The following SLC25A43 variants were observed in gnomAD, a reference collection of about 807,000 sequenced individuals.
The protein encoded by SLC25A43 is solute carrier family 25, member 43.
In SLC25A43, 10 loss-of-function variants were observed where a neutral mutation model predicts 22.8. That is an observed-to-expected ratio of 0.44 (90% CI 0.27 to 0.74). The LOEUF (loss-of-function observed/expected upper bound fraction) is 0.74, where lower values mean the gene tolerates loss of function less well. Ranked by LOEUF, SLC25A43 falls within the 30% of genes least tolerant of loss-of-function variation. The pLI is 0.17. For synonymous variants in SLC25A43, 106 were observed against 121.6 expected, an observed-to-expected ratio of 0.87 and a Z score of 0.84; for missense variants, 233 against 279.1, an observed-to-expected ratio of 0.83 and a Z score of 1.18.
chrX:119,399,801 A>T, intron 1 of SLC25A43, 123 bp downstream of exon 1: 1 of 793,762 alleles, frequency 1.3e-6, no homozygotes, highest in Non-Finnish European at 1.6e-6. Context: ...CCCCTTGTCG[A>T]TCACCTGGGG....
intron 3 of SLC25A43, among the ~76,000 whole-genome samples, chrX:119,427,837 A>T (rs1027218827): frequency 8.1e-5 from 9 of 111,219 alleles, no homozygotes; most frequent in African/African-American, 2.6e-4. Context: ...TTCCCTATGA[A>T]TTTTTTTTCC....
intron 1 of SLC25A43, among the ~76,000 whole-genome samples, chrX:119,402,224 G>A (rs1326972980): frequency 8.9e-6 from 1 of 111,774 alleles, no homozygotes; most frequent in African/African-American, 3.3e-5. Flanking sequence ...CAGGGAATGG[G>A]GTAGTTAAGT....
At chrX:119,449,815 A>G (rs2052693493) in intron 3 of SLC25A43, among the ~76,000 whole-genome samples, 1 of 112,194 alleles carries the variant, frequency 8.9e-6, no homozygotes, top group Non-Finnish European at 1.9e-5. Context: ...TGCTACAGTA[A>G]TGCACACATG....
At chrX:119,417,771 T>TA (rs199624214) in intron 3 of SLC25A43, among the ~76,000 whole-genome samples, 521 of 93,438 alleles carry the variant, frequency 5.6e-3, no homozygotes, top group Admixed American at 0.013. Flanking sequence ...ATGATGGTTG[T>TA]AAAAAAAAAA....
chrX:119,452,849 T>C lies in SLC25A43; in HGVS notation c.826-16T>C. ...TTTTAAGAACTTAACTTGATTTTCA[T>C]TTTTGGTTTTAACAGATAGTTCCAT... On this transcript the variant is annotated splice_polypyrimidine_tract_variant and intron_variant, in intron 4 of 4. Coordinates refer to ENST00000217909, the MANE Select transcript of SLC25A43 (RefSeq NM_145305.3). The C allele has an allele frequency of 1.7e-6, 2 of 1,183,046 alleles. No individual in the cohort carries two copies. The highest frequency in any genetic ancestry group is 2.3e-6 in the Non-Finnish European group (2 of 874,170).
intron 3 of SLC25A43, among the ~76,000 whole-genome samples, chrX:119,418,257 G>A (rs749399652): frequency 8.9e-6 from 1 of 111,820 alleles, no homozygotes; most frequent in South Asian, 3.8e-4. Flanking sequence ...AGAAGAGAGG[G>A]CTTTAATAAC....
chrX:119,409,671 C>T lies in SLC25A43; in HGVS notation c.518-519C>T, dbSNP rs140049257. On this transcript the variant is annotated intron_variant, in intron 2 of 4. Transcript: ENST00000217909. ...TCTCTTGTCACCCATGCTGGGGTGC[C>T]GTGGTGCGATCTCAGCTCACTGCAA... Among the ~76,000 whole-genome samples the T allele has an allele frequency of 5.8e-3, 629 of 109,183 alleles. 6 individuals carry two copies. Among genetic ancestry groups the T allele is most frequent in the African/African-American group, 0.02 (605 of 29,932 alleles). The allele number at this position is 109,183 out of a possible 115,157, so 94.8% of individuals were successfully genotyped here.
chrX:119,428,707 C>T (rs776509405), intron 3 of SLC25A43, among the ~76,000 whole-genome samples: 75 of 112,410 alleles, frequency 6.7e-4, no homozygotes, highest in African/African-American at 2.3e-3. Flanking sequence ...ACCCCTGGTC[C>T]GTGGCCTGTT....
chrX:119,424,246 A>T lies in SLC25A43; in HGVS notation c.690+13884A>T, dbSNP rs191794000. ...AAAAAAAGAAAGAAATTATAATAAT[A>T]TAATAATAACTACCACTTATTGGTC... is the stretch of plus-strand genomic sequence containing the variant. On this transcript the variant is annotated intron_variant, in intron 3 of 4. Transcript: ENST00000217909. 7.2e-4 allele frequency among the ~76,000 whole-genome samples: 80 copies of T among 110,878 alleles called. 1 individual carries two copies. Among genetic ancestry groups the T allele is most frequent in the Admixed American group, 2.9e-3 (30 of 10,377 alleles).
In SLC25A43 at chrX:119,399,370, G is replaced by A. The variant is rs1603292764; in HGVS notation, c.-34G>A. On this transcript the variant is annotated 5_prime_UTR_variant, in exon 1 of 5. Coordinates refer to ENST00000217909, the MANE Select transcript of SLC25A43 (RefSeq NM_145305.3). ...CGTGGCCGGAGAGCCCCAGGCCCGA[G>A]CCACGCGGTCTTCCGGGCCCGGGTC... The A allele has an allele frequency of 1.0e-6, 1 of 957,631 alleles. No homozygotes were observed. 78.9% of individuals were successfully genotyped at this position (957,631 alleles called of 1,213,427 possible).
chrX:119,400,197 TCTC>T (rs1405814785), intron 1 of SLC25A43, among the ~76,000 whole-genome samples: 1 of 109,817 alleles, frequency 9.1e-6, no homozygotes, highest in Non-Finnish European at 1.9e-5. Flanking sequence ...TGCCCACACA[TCTC>T]CCCAACTTAA....
At chrX:119,420,588 A>C (rs1178568981) in intron 3 of SLC25A43, among the ~76,000 whole-genome samples, 2 of 111,708 alleles carry the variant, frequency 1.8e-5, no homozygotes, top group Non-Finnish European at 3.8e-5. Context: ...GATTACAGGC[A>C]TGAGCCACTG....
chrX:119,419,928 A>C (rs956131652), intron 3 of SLC25A43, among the ~76,000 whole-genome samples: 3 of 111,834 alleles, frequency 2.7e-5, no homozygotes, highest in Non-Finnish European at 5.6e-5. Flanking sequence ...TTATCAGCTC[A>C]TACCTAGGCT....
intron 3 of SLC25A43, among the ~76,000 whole-genome samples, chrX:119,422,121 C>G (rs12860815): frequency 0.099 from 10,934 of 110,801 alleles, 702 homozygotes; most frequent in African/African-American, 0.23. Flanking sequence ...CACCATGTTG[C>G]CCAGGCTGGT....
intron 3 of SLC25A43, among the ~76,000 whole-genome samples, chrX:119,414,725 A>G (rs1177144111): frequency 9.4e-6 from 1 of 106,836 alleles, no homozygotes; most frequent in Non-Finnish European, 1.9e-5. Flanking sequence ...TTATTTAAAT[A>G]CTTTTTTAGT....
chrX:119,425,971 G>T (rs1359903444), intron 3 of SLC25A43, among the ~76,000 whole-genome samples: 1 of 111,313 alleles, frequency 9.0e-6, no homozygotes, highest in Non-Finnish European at 1.9e-5. Context: ...ACCCTGTGCT[G>T]AGCAGGCTTC....
intron 3 of SLC25A43, among the ~76,000 whole-genome samples, chrX:119,415,800 C>T (rs997350163): frequency 1.8e-5 from 2 of 108,423 alleles, no homozygotes; most frequent in Non-Finnish European, 3.8e-5. Flanking sequence ...GCTAGGAGTT[C>T]GAGACCAGCT....
intron 3 of SLC25A43, among the ~76,000 whole-genome samples, chrX:119,442,329 CT>C (rs112686422): frequency 8.9e-6 from 1 of 111,841 alleles, no homozygotes; most frequent in Non-Finnish European, 1.9e-5. Context: ...TACTTAGTGT[CT>C]TTTTGTTTTA....
intron 3 of SLC25A43, among the ~76,000 whole-genome samples, chrX:119,435,341 T>C (rs2052593303): frequency 9.1e-6 from 1 of 110,407 alleles, no homozygotes; most frequent in African/African-American, 3.3e-5. Flanking sequence ...CTGTTGAAAT[T>C]GGTAAATGCT....
Sources: gnomAD v4.1 joint callset for allele counts (sites outside exome capture counted in the v4.1 genomes callset) on GRCh38, gnomAD v4.1.1 for gene constraint, MANE v1.5 for transcripts, NCBI Gene and HGNC (gene_info 2026-07-23, HGNC 2026-07-21) for gene names.